Variants in PIAS2 observed in about 807,000 individuals in gnomAD.
PIAS2 encodes the protein E3 SUMO-protein ligase PIAS2.
Under a neutral mutation model 69.7 loss-of-function variants are expected in PIAS2, and 19 were observed. That is an observed-to-expected ratio of 0.27 (90% CI 0.19 to 0.40). The LOEUF (loss-of-function observed/expected upper bound fraction) is 0.40, where lower values mean the gene tolerates loss of function less well. Among genes scored for constraint, PIAS2 ranks in the 10% least tolerant of loss-of-function variants. PIAS2 has a pLI of 1.00. For synonymous variants in PIAS2, 261 were observed against 263.2 expected, an observed-to-expected ratio of 0.99 and a Z score of 0.08; for missense variants, 624 against 757.0, an observed-to-expected ratio of 0.82 and a Z score of 2.06.
At chr18:46,864,988 T>G (rs934932238) in intron 2 of PIAS2, among the ~76,000 whole-genome samples, 1 of 152,080 alleles carries the variant, frequency 6.6e-6, no homozygotes, top group Non-Finnish European at 1.5e-5. Context: ...TAAGAAAATT[T>G]TGAATGTCAA....
At chr18:46,889,865 G>A (rs970211002) in intron 2 of PIAS2, among the ~76,000 whole-genome samples, 1 of 152,228 alleles carries the variant, frequency 6.6e-6, no homozygotes, top group Admixed American at 6.5e-5. Flanking sequence ...CTATAACACA[G>A]AAATATAGAA....
At chr18:46,815,432 C>T in intron 12 of PIAS2, 83 bp from the exon 13 acceptor site, 1 of 1,598,864 alleles carries the variant, frequency 6.3e-7, no homozygotes, top group Admixed American at 1.7e-5. Flanking sequence ...TATCACAAAT[C>T]ACAAAACATT....
intron 2 of PIAS2, among the ~76,000 whole-genome samples, chr18:46,881,207 C>T (rs545536598): frequency 2.6e-5 from 4 of 152,270 alleles, no homozygotes; most frequent in Admixed American, 6.5e-5. Context: ...TGCTCACCAA[C>T]GTCCTATCTC....
At chr18:46,904,434 G>C (rs1489991220) in intron 1 of PIAS2, among the ~76,000 whole-genome samples, 1 of 151,996 alleles carries the variant, frequency 6.6e-6, no homozygotes, top group Non-Finnish European at 1.5e-5. Context: ...TTTTAAATTA[G>C]GCAAAACTGA....
At chr18:46,842,847 T>G (rs1183642282) in intron 8 of PIAS2, among the ~76,000 whole-genome samples, 1 of 152,166 alleles carries the variant, frequency 6.6e-6, no homozygotes, top group African/African-American at 2.4e-5. Flanking sequence ...TTCCCTGCGT[T>G]TGCTAAGAGC....
At chr18:46,881,154 T>G (rs2052178235) in intron 2 of PIAS2, among the ~76,000 whole-genome samples, 1 of 152,016 alleles carries the variant, frequency 6.6e-6, no homozygotes, top group South Asian at 2.1e-4. Flanking sequence ...CAGTGTGGAG[T>G]TAGTCCACCT....
chr18:46,865,376 C>A (rs2049279286), intron 2 of PIAS2, among the ~76,000 whole-genome samples: 1 of 152,016 alleles, frequency 6.6e-6, no homozygotes, highest in Admixed American at 6.6e-5. Context: ...CCCATCTCTA[C>A]TAAAAACACA....
chr18:46,830,313 T>C (rs1292704417), intron 9 of PIAS2, among the ~76,000 whole-genome samples: 2 of 152,072 alleles, frequency 1.3e-5, no homozygotes, highest in African/African-American at 4.8e-5. Flanking sequence ...GAAGTCTCAA[T>C]AAATTTAAAA....
At chr18:46,889,796 G>A (rs149801347) in intron 2 of PIAS2, among the ~76,000 whole-genome samples, 23 of 152,272 alleles carry the variant, frequency 1.5e-4, no homozygotes, top group African/African-American at 5.5e-4. Context: ...AGAATTATTC[G>A]CAATAGCTAA....
intron 1 of PIAS2, among the ~76,000 whole-genome samples, chr18:46,912,954 A>G (rs1454096739): frequency 6.6e-6 from 1 of 152,224 alleles, no homozygotes; most frequent in African/African-American, 2.4e-5. Flanking sequence ...CAAAATGCTG[A>G]GATTACAGCC....
intron 8 of PIAS2, among the ~76,000 whole-genome samples, chr18:46,839,421 A>G (rs1482816115): frequency 1.3e-5 from 2 of 152,214 alleles, no homozygotes. Context: ...TTGTGAATTT[A>G]AAATGATCAT....
chr18:46,831,336 T>C (rs992565327), intron 9 of PIAS2, among the ~76,000 whole-genome samples: 5 of 152,066 alleles, frequency 3.3e-5, no homozygotes, highest in African/African-American at 7.2e-5. Flanking sequence ...ACAAGACACA[T>C]TGAAAACTAC....
intron 12 of PIAS2, chr18:46,818,348 A>G (rs1472692266): frequency 6.6e-7 from 1 of 1,511,142 alleles, no homozygotes; most frequent in African/African-American, 1.4e-5. Context: ...TCCACTCCAT[A>G]AATACAAATT....
In PIAS2 at chr18:46,910,032, T is replaced by C. The variant is rs552855570; in HGVS notation, c.24+7290A>G. ...AAATTAGCCGGGCATGGTGCACACCTGTAATCCCGGCTACTCGGGAGGCTG... is the reference window on the plus strand; with the variant it reads ...AAATTAGCCGGGCATGGTGCACACCCGTAATCCCGGCTACTCGGGAGGCTG... On this transcript the variant is annotated intron_variant, in intron 1 of 13. Transcript: ENST00000585916. 6.4e-4 allele frequency among the ~76,000 whole-genome samples: 97 copies of C among 152,226 alleles called. 2 individuals carry two copies. Among genetic ancestry groups the C allele is most frequent in the Admixed American group, 6.2e-3 (94 of 15,284 alleles).
intron 9 of PIAS2, among the ~76,000 whole-genome samples, chr18:46,830,241 C>A (rs565225972): frequency 4.7e-4 from 71 of 151,926 alleles, no homozygotes; most frequent in Admixed American, 1.4e-3. Flanking sequence ...AATTTATAAA[C>A]TTTAACTTCG....
At chr18:46,881,428 T>C (rs2052239706) in intron 2 of PIAS2, among the ~76,000 whole-genome samples, 1 of 152,244 alleles carries the variant, frequency 6.6e-6, no homozygotes, top group African/African-American at 2.4e-5. Flanking sequence ...ACTGTATTTG[T>C]AAAAAACTGA....
At position 46,829,814 on chromosome 18, in the gene PIAS2, T is replaced by C; in HGVS notation, c.1256A>G (p.Gln419Arg). 1 of 1,613,600 alleles carries C rather than the reference T, an allele frequency of 6.2e-7. No homozygotes were observed. The highest frequency in any genetic ancestry group is 8.5e-7 in the Non-Finnish European group (1 of 1,179,572). Reference protein sequence around the residue: ...DCSDVDEIKFQEDGSWCPMRP... With the variant: ...DCSDVDEIKFREDGSWCPMRP... ...CATTGGACACCAAGAACCATCTTCT[T>C]GGAATTTGATCTCATCTACATCAGA... Residue 419 changes from glutamine to arginine, a missense_variant, in exon 10 of 14, where the codon CAA becomes CGA. By Grantham distance (43) the Gln-to-Arg change is conservative. Transcript: ENST00000585916.
chr18:46,898,750 T>C (rs2055303087), intron 1 of PIAS2, among the ~76,000 whole-genome samples: 2 of 151,988 alleles, frequency 1.3e-5, no homozygotes, highest in South Asian at 4.2e-4. Flanking sequence ...TCTCAACACT[T>C]TGGGGGGCTG....
In PIAS2 at chr18:46,803,585, G is replaced by A. The variant is rs1332225188; in HGVS notation, c.*8848C>T. ...TCTATAGCTTGTCAAATAGCAGGTG[G>A]GCATGTCTTTCAGACATCAGGTCAA... is the stretch of plus-strand genomic sequence containing the variant. On this transcript the variant is annotated 3_prime_UTR_variant, in exon 14 of 14. Transcript: ENST00000585916. 2.0e-5 allele frequency: 3 copies of A among 152,096 alleles called. No homozygotes were observed. The highest frequency in any genetic ancestry group is 4.8e-5 in the African/African-American group (2 of 41,416). 9.4% of individuals were successfully genotyped at this position (152,096 alleles called of 1,614,324 possible). A position where few individuals can be genotyped will look rare whatever the true frequency, so the allele number is the denominator to read the frequency against.
Sources: allele counts gnomAD v4.1 joint callset (sites outside exome capture counted in the v4.1 genomes callset), GRCh38; gene constraint gnomAD v4.1.1; transcripts MANE v1.5; gene names NCBI Gene and HGNC (gene_info 2026-07-23, HGNC 2026-07-21).